The following SAMD3 variants were observed in gnomAD, a reference collection of about 807,000 sequenced individuals.
SAMD3 encodes sterile alpha motif domain containing 3, also known as sterile alpha motif domain-containing protein 3.
In SAMD3, 63 loss-of-function variants were observed where a neutral mutation model predicts 58.5. The ratio of observed to expected loss-of-function variants is 1.08; its 90% CI spans 0.88 to 1.33. The LOEUF (loss-of-function observed/expected upper bound fraction) is 1.33. SAMD3 is among the 40% of genes most tolerant of loss of function. The pLI, the probability that SAMD3 is intolerant of heterozygous loss-of-function variation, is 0.00. For synonymous variants in SAMD3, 220 were observed against 210.3 expected (o/e 1.05, Z -0.40); for missense variants, 604 against 608.4 (o/e 0.99, Z 0.08).
At chr6:130,283,210 AC>A (rs1046786257) in intron 2 of SAMD3, among the ~76,000 whole-genome samples, 4 of 152,210 alleles carry the variant, frequency 2.6e-5, no homozygotes, top group African/African-American at 9.6e-5. Context: ...AGAATATAGC[AC>A]TGAGAGATAA....
chr6:130,263,854 G>GC (rs1483815864), intron 2 of SAMD3, among the ~76,000 whole-genome samples: 1 of 152,072 alleles, frequency 6.6e-6, no homozygotes, highest in Non-Finnish European at 1.5e-5. Context: ...CAGGAGTCTT[G>GC]CCCCCCGATG....
intron 2 of SAMD3, among the ~76,000 whole-genome samples, chr6:130,238,584 G>C (rs1282991185): frequency 4.6e-5 from 7 of 152,140 alleles, no homozygotes; most frequent in African/African-American, 1.7e-4. Flanking sequence ...ACTTGGTCTA[G>C]GAAATGCATG....
intron 8 of SAMD3, among the ~76,000 whole-genome samples, chr6:130,155,559 G>A (rs1306610546): frequency 1.3e-5 from 2 of 152,128 alleles, no homozygotes; most frequent in Non-Finnish European, 2.9e-5. Context: ...CGGAGTGGGG[G>A]CAGCTAAGAA....
At position 130,202,585 on chromosome 6, in the gene SAMD3, A is replaced by G. The variant is rs138363943; in HGVS notation, c.383+6910T>C. 1.7e-4 allele frequency among the ~76,000 whole-genome samples: 26 copies of G among 152,190 alleles called. No homozygotes were observed. The East Asian group carries it at 4.4e-3, about 26-fold the overall frequency. On this transcript the variant is annotated intron_variant, in intron 5 of 11. Transcript: ENST00000439090. ...AGGAATCTTTAAATAAGTATTTCCT[A>G]AGGTGTTTTGTTGTAATGTTAATAG...
chr6:130,306,194 ATTTAC>A (rs1003427589), intron 2 of SAMD3, among the ~76,000 whole-genome samples: 2 of 152,226 alleles, frequency 1.3e-5, no homozygotes, highest in Non-Finnish European at 2.9e-5. Flanking sequence ...CTTAAAAAAT[ATTTAC>A]TTTATCAACT....
At chr6:130,333,482 C>T (rs1777005607) in intron 1 of SAMD3, among the ~76,000 whole-genome samples, 1 of 152,120 alleles carries the variant, frequency 6.6e-6, no homozygotes, top group African/African-American at 2.4e-5. Flanking sequence ...CACATCATAA[C>T]CCTTTTCTGA....
chr6:130,265,209 C>T (rs977164685), intron 2 of SAMD3, among the ~76,000 whole-genome samples: 1 of 152,156 alleles, frequency 6.6e-6, no homozygotes, highest in Non-Finnish European at 1.5e-5. Context: ...ATCAGAGAGC[C>T]CAGTTGAACA....
chr6:130,363,491 C>T (rs1009554564), intron 1 of SAMD3, among the ~76,000 whole-genome samples: 1 of 151,982 alleles, frequency 6.6e-6, no homozygotes, highest in Admixed American at 6.6e-5. Flanking sequence ...AGAGGAAGAG[C>T]CTTTTTTTGA....
At chr6:130,363,416 C>T (rs915421768) in intron 1 of SAMD3, among the ~76,000 whole-genome samples, 1 of 152,126 alleles carries the variant, frequency 6.6e-6, no homozygotes, top group Non-Finnish European at 1.5e-5. Context: ...TTTTATAATA[C>T]TATACCAAGA....
At chr6:130,256,918 A>T (rs1006924996) in intron 2 of SAMD3, among the ~76,000 whole-genome samples, 1 of 152,196 alleles carries the variant, frequency 6.6e-6, no homozygotes, top group Non-Finnish European at 1.5e-5. Context: ...CTATTTAGCT[A>T]TCTCAGATTC....
chr6:130,220,472 G>A (rs963584747), intron 1 of SAMD3, among the ~76,000 whole-genome samples: 6 of 152,144 alleles, frequency 3.9e-5, no homozygotes, highest in Admixed American at 1.3e-4. Flanking sequence ...CTTCTGCCTC[G>A]TTGACAGCCA....
At position 130,147,896 on chromosome 6, in the gene SAMD3, A is replaced by T. The variant is rs1404247241; in HGVS notation, c.1024-1715T>A. ...CTTGGAAGTTTTATGATATTTCAAG[A>T]TTTATGCATTTCTGGCAAGAATATT... On this transcript the variant is annotated intron_variant, in intron 9 of 11. Coordinates refer to ENST00000439090, the MANE Select transcript of SAMD3 (RefSeq NM_001017373.4). Among the ~76,000 whole-genome samples the T allele has an allele frequency of 1.3e-5, 2 of 152,210 alleles. 1 individual carries two copies. The highest frequency in any genetic ancestry group is 2.9e-5 in the Non-Finnish European group (2 of 68,042).
At chr6:130,357,302 T>G (rs9321223) in intron 1 of SAMD3, among the ~76,000 whole-genome samples, 35,581 of 151,676 alleles carry the variant, frequency 0.23, 5,561 homozygotes, top group African/African-American at 0.45. Flanking sequence ...TTTTTTGTAT[T>G]TTTAGTAGAG....
intron 2 of SAMD3, among the ~76,000 whole-genome samples, chr6:130,257,704 G>T (rs1035274243): frequency 1.3e-5 from 2 of 151,960 alleles, no homozygotes; most frequent in African/African-American, 4.8e-5. Flanking sequence ...AAATTATAAT[G>T]GACACACAGC....
intron 1 of SAMD3, among the ~76,000 whole-genome samples, chr6:130,342,981 G>A (rs959761531): frequency 3.9e-5 from 6 of 152,032 alleles, no homozygotes; most frequent in Admixed American, 6.6e-5. Flanking sequence ...AATGAGTTAA[G>A]TAAGTCATTT....
At chr6:130,209,733 C>T (rs909519564) in intron 4 of SAMD3, 125 bp from the exon 5 acceptor site, 17 of 573,790 alleles carry the variant, frequency 3.0e-5, no homozygotes, top group African/African-American at 5.6e-5. Flanking sequence ...CCCAGTTCCA[C>T]GTTAGACTCA....
intron 3 of SAMD3, among the ~76,000 whole-genome samples, 190 bp from the exon 4 acceptor site, chr6:130,214,716 A>T (rs977730050): frequency 6.6e-6 from 1 of 152,180 alleles, no homozygotes; most frequent in African/African-American, 2.4e-5. Flanking sequence ...CCTGCTCCTA[A>T]GAAAGTACCA....
chr6:130,175,143 T>C (rs901247609), intron 8 of SAMD3, among the ~76,000 whole-genome samples: 1 of 152,232 alleles, frequency 6.6e-6, no homozygotes, highest in Non-Finnish European at 1.5e-5. Flanking sequence ...TTCACTTTCA[T>C]ACTTGGTAGT....
intron 7 of SAMD3, among the ~76,000 whole-genome samples, chr6:130,177,745 T>G (rs908002518): frequency 2.6e-5 from 4 of 152,202 alleles, no homozygotes; most frequent in Admixed American, 2.6e-4. Flanking sequence ...ACTTCCTTCC[T>G]TCCTTCCTTT....
Sources: gnomAD v4.1 joint callset for allele counts (sites outside exome capture counted in the v4.1 genomes callset) on GRCh38, gnomAD v4.1.1 for gene constraint, MANE v1.5 for transcripts, NCBI Gene and HGNC (gene_info 2026-07-23, HGNC 2026-07-21) for gene names.